Variants in PLAGL1 observed in about 807,000 individuals in gnomAD.
PLAGL1 encodes the protein PLAG1 like zinc finger 1.
In PLAGL1, 1 loss-of-function variant was observed where a neutral mutation model predicts 4.6. The ratio of observed to expected loss-of-function variants is 0.22; its 90% confidence interval spans 0.08 to 1.03. The LOEUF (loss-of-function observed/expected upper bound fraction) is 1.03, where lower values mean the gene tolerates loss of function less well. Ranked by LOEUF, PLAGL1 falls within the 50% of genes least tolerant of loss-of-function variation. The pLI is 0.58. For missense variants in PLAGL1, 464 were observed against 570.4 expected (o/e 0.81, Z 1.90); for synonymous variants, 240 against 237.8 (o/e 1.01, Z -0.08).
Position 143,957,668 on chromosome 6 carries a change from G to A in PLAGL1, c.-325+2801C>T, listed in dbSNP as rs1782437769. On this transcript the variant is annotated intron_variant, in intron 6 of 7. Coordinates refer to ENST00000674357, the MANE Select transcript of PLAGL1 (RefSeq NM_001317162.2). The surrounding 1 kb of genome is among the most constrained non-coding windows in gnomAD (Gnocchi z 4.2). ...ATAGGCTCACATTGAGAAGAGAAAT[G>A]TGAAAAGCATATTAGTTACATTGAC... is the stretch of plus-strand genomic sequence containing the variant. 6.6e-6 allele frequency among the ~76,000 whole-genome samples: 1 copy of A among 152,344 alleles called. No homozygotes were observed.
chr6:144,054,237 A>T (rs112431647), intron 1 of PLAGL1, among the ~76,000 whole-genome samples: 12 of 152,364 alleles, frequency 7.9e-5, no homozygotes, highest in African/African-American at 2.9e-4. Context: ...GCCAAGATTA[A>T]GTTTAGTATA....
In PLAGL1 at chr6:143,949,392, C is replaced by T. The variant is rs1780527341; in HGVS notation, c.-324-932G>A. ...TGAGCCTGCATCATGAACAATACTC[C>T]ACTTACTAGGGTGGCTTTCCACCCA... On this transcript the variant is annotated intron_variant, in intron 6 of 7. Coordinates refer to ENST00000674357, the MANE Select transcript of PLAGL1 (RefSeq NM_001317162.2). This position sits in a 1 kb window ranked among gnomAD's most constrained non-coding sequence, Gnocchi z 5.3. 6.6e-6 allele frequency among the ~76,000 whole-genome samples: 1 copy of T among 152,180 alleles called. No individual in the cohort carries two copies. Among genetic ancestry groups the T allele is most frequent in the Non-Finnish European group, 1.5e-5 (1 of 68,036 alleles).
rs1796038725 is a variant in PLAGL1, at chr6:144,022,456, C to T, written c.-151+42012G>A. On this transcript the variant is annotated intron_variant, in intron 1 of 3. Coordinates refer to the PLAGL1 transcript ENST00000437412. This position sits in a 1 kb window ranked among gnomAD's most constrained non-coding sequence, Gnocchi z 4.2. Reference sequence around the variant, plus strand: ...ATGGGAATGCAAAATGGTACAGCCACTTTGGAAGACAGTTTGGCAATTTAT... The same window carrying T: ...ATGGGAATGCAAAATGGTACAGCCATTTTGGAAGACAGTTTGGCAATTTAT... Among the ~76,000 whole-genome samples, 1 of 152,186 alleles carries T rather than the reference C, an allele frequency of 6.6e-6. No homozygotes were observed. The highest frequency in any genetic ancestry group is 2.4e-5 in the African/African-American group (1 of 41,438).
intron 1 of PLAGL1, among the ~76,000 whole-genome samples, chr6:144,057,707 C>G (rs919783032): frequency 6.6e-6 from 1 of 152,082 alleles, no homozygotes; most frequent in Non-Finnish European, 1.5e-5. Context: ...TAGCTGTGCC[C>G]GAAGAGAAAA....
At position 144,022,246 on chromosome 6, in the gene PLAGL1, T is replaced by C. The variant is rs1796027313; in HGVS notation, c.-151+42222A>G. On this transcript the variant is annotated intron_variant, in intron 1 of 3. Transcript: ENST00000437412. This position sits in a 1 kb window ranked among gnomAD's most constrained non-coding sequence, Gnocchi z 4.2. ...ATGGGCAAAGATCTGAACAGACAGC[T>C]CACCAGAGGAGATATGTAGATGGCA... Among the ~76,000 whole-genome samples the C allele has an allele frequency of 6.6e-6, 1 of 152,186 alleles. No individual in the cohort carries two copies. Among genetic ancestry groups the C allele is most frequent in the Non-Finnish European group, 1.5e-5 (1 of 68,030 alleles).
Position 144,039,378 on chromosome 6 carries a change from A to C in PLAGL1, c.-151+25090T>G, listed in dbSNP as rs1797540101. Among the ~76,000 whole-genome samples the C allele has an allele frequency of 6.6e-6, 1 of 152,196 alleles. No individual in the cohort carries two copies. Among genetic ancestry groups the C allele is most frequent in the Non-Finnish European group, 1.5e-5 (1 of 68,030 alleles). On this transcript the variant is annotated intron_variant, in intron 1 of 3. Coordinates refer to the PLAGL1 transcript ENST00000437412. The surrounding 1 kb of genome is among the most constrained non-coding windows in gnomAD (Gnocchi z 4.1). ...AGTGGGTGGATCATTAGAGGCCCAA[A>C]GTTTGAAACCAGTCTGGCCAACATG...
At chr6:143,999,788 T>A (rs1011798156) in intron 1 of PLAGL1, among the ~76,000 whole-genome samples, 20 of 152,230 alleles carry the variant, frequency 1.3e-4, no homozygotes, top group Non-Finnish European at 2.5e-4. Flanking sequence ...GATTTAGTAA[T>A]TAATTTACTT....
At chr6:144,009,234 C>T (rs1884403), upstream of PLAGL1, among the ~76,000 whole-genome samples, 312 of 152,342 alleles carry the variant, frequency 2.0e-3, no homozygotes, top group African/African-American at 7.3e-3. Flanking sequence ...AGAACATTTG[C>T]AATTGCTCTG....
rs368156238 is a variant in PLAGL1 at position 144,061,252 on chromosome 6, C to A, written c.-151+3216G>T. ...CGCAGGACTAAATTCCAAAAGGGAGCCTCTCATTTCACTTCAGTTACCCAT... is the reference window on the plus strand; with the variant it reads ...CGCAGGACTAAATTCCAAAAGGGAGACTCTCATTTCACTTCAGTTACCCAT... On this transcript the variant is annotated intron_variant, in intron 1 of 3. Coordinates refer to the PLAGL1 transcript ENST00000437412. This position sits in a 1 kb window ranked among gnomAD's most constrained non-coding sequence, Gnocchi z 4.4. Among the ~76,000 whole-genome samples the A allele has an allele frequency of 3.3e-5, 5 of 152,186 alleles. No homozygotes were observed. Among genetic ancestry groups the A allele is most frequent in the African/African-American group, 7.2e-5 (3 of 41,454 alleles).
intron 1 of PLAGL1, among the ~76,000 whole-genome samples, chr6:144,030,483 T>C (rs1796735307): frequency 6.6e-6 from 1 of 152,154 alleles, no homozygotes; most frequent in South Asian, 2.1e-4. Context: ...TGTAGTCTTT[T>C]ATCCCTCACC....
At chr6:143,951,359 C>T (rs773135387) in intron 6 of PLAGL1, among the ~76,000 whole-genome samples, 9 of 152,200 alleles carry the variant, frequency 5.9e-5, no homozygotes, top group Non-Finnish European at 1.2e-4. Context: ...ACATTCTCTC[C>T]CTATGGATAC....
Position 143,970,468 on chromosome 6 carries a change from T to G in PLAGL1, c.-543-1490A>C, listed in dbSNP as rs1173569761. ...ATAGTCATATCTGATCTTATACAACTGACACATTATTTAATTTTAGATAGT... is the reference window on the plus strand; with the variant it reads ...ATAGTCATATCTGATCTTATACAACGGACACATTATTTAATTTTAGATAGT... On this transcript the variant is annotated intron_variant, in intron 2 of 7. Transcript: ENST00000674357. This position sits in a 1 kb window ranked among gnomAD's most constrained non-coding sequence, Gnocchi z 5.8. 1.3e-5 allele frequency among the ~76,000 whole-genome samples: 2 copies of G among 152,224 alleles called. No individual in the cohort carries two copies. Among genetic ancestry groups the G allele is most frequent in the Admixed American group, 6.5e-5 (1 of 15,280 alleles).
chr6:143,942,922 G>A lies in PLAGL1; in HGVS notation c.153-259C>T, dbSNP rs572525800. Among the ~76,000 whole-genome samples, 1 of 152,070 alleles carries A rather than the reference G, an allele frequency of 6.6e-6. No homozygotes were observed. Among genetic ancestry groups the A allele is most frequent in the South Asian group, 2.1e-4 (1 of 4,816 alleles). On this transcript the variant is annotated intron_variant, in intron 7 of 7. Transcript: ENST00000674357. The surrounding 1 kb of genome is among the most constrained non-coding windows in gnomAD (Gnocchi z 7.6). ...ACTCTTTTGCCCAGGCTGGAGTGCA[G>A]TGGCACGATCATGGCTCACTGCAGC... is the stretch of plus-strand genomic sequence containing the variant.
rs1302986273 is a variant in PLAGL1, at chr6:144,005,623, ATAG to A, written c.-584+2464_-584+2466del. The A allele has an allele frequency of 1.3e-5, 2 of 152,328 alleles. No individual in the cohort carries two copies. Among genetic ancestry groups the A allele is most frequent in the African/African-American group, 4.8e-5 (2 of 41,592 alleles). 9.4% of individuals were successfully genotyped at this position (152,328 alleles called of 1,614,324 possible). ...AAAATATTCAGAATACATTTCATTA[ATAG>A]TAGAGTATCTTAAGACAAAAAGCAT... is the stretch of plus-strand genomic sequence containing the variant. On this transcript the variant is annotated intron_variant, in intron 1 of 7. Coordinates refer to ENST00000674357, the MANE Select transcript of PLAGL1 (RefSeq NM_001317162.2). This position sits in a 1 kb window ranked among gnomAD's most constrained non-coding sequence, Gnocchi z 4.6.
intron 1 of PLAGL1, among the ~76,000 whole-genome samples, chr6:144,051,318 A>G (rs1056616351): frequency 6.6e-6 from 1 of 152,236 alleles, no homozygotes; most frequent in Non-Finnish European, 1.5e-5. Flanking sequence ...CCATTCAGGC[A>G]TATATTTAGA....
rs1169714224 is a variant in PLAGL1 at position 143,966,048 on chromosome 6, A to C, written c.-431+110T>G. 1 of 152,254 alleles carries C rather than the reference A, an allele frequency of 6.6e-6. No individual in the cohort carries two copies. The highest frequency in any genetic ancestry group is 2.4e-5 in the African/African-American group (1 of 41,464). The allele number at this position is 152,254 out of a possible 1,614,324, so 9.4% of individuals were successfully genotyped here. On this transcript the variant is annotated intron_variant, in intron 4 of 7. Coordinates refer to ENST00000674357, the MANE Select transcript of PLAGL1 (RefSeq NM_001317162.2). The surrounding 1 kb of genome is among the most constrained non-coding windows in gnomAD (Gnocchi z 6.0). ...AGAGATATTTCCGCATGCTAGAGGC[A>C]GATCCATATTGGTTCCCCAGTCTGT...
intron 1 of PLAGL1, among the ~76,000 whole-genome samples, chr6:143,993,769 A>C (rs1791047404): frequency 1.3e-5 from 2 of 152,316 alleles, no homozygotes; most frequent in South Asian, 4.1e-4. Context: ...TGAGAATGCA[A>C]ATCAATGTAG....
intron 1 of PLAGL1, among the ~76,000 whole-genome samples, chr6:144,024,993 T>C (rs1281141229): frequency 6.6e-6 from 1 of 152,162 alleles, no homozygotes; most frequent in East Asian, 1.9e-4. Flanking sequence ...TAACTCCCCA[T>C]TCCTTAAGCA....
At position 143,942,405 on chromosome 6, in the gene PLAGL1, G is replaced by A. The variant is rs1161500214; in HGVS notation, c.411C>T (p.Asp137=). The A allele has an allele frequency of 6.2e-7, 1 of 1,614,128 alleles. No individual in the cohort carries two copies. The highest frequency in any genetic ancestry group is 1.1e-5 in the South Asian group (1 of 91,084). ...LELGSTEVLL[D]HLKAHAEEKP... ...TCTCTTCCGCATGGGCTTTGAGGTG[G>A]TCCAGTAGCACCTCGGTGCTCCCTA... Residue 137 remains aspartate, a synonymous_variant, in exon 8 of 8, where the codon GAC becomes GAT. Coordinates refer to ENST00000674357, the MANE Select transcript of PLAGL1 (RefSeq NM_001317162.2). This position sits in a 1 kb window ranked among gnomAD's most constrained non-coding sequence, Gnocchi z 7.6.
Sources: allele counts gnomAD v4.1 joint callset (sites outside exome capture counted in the v4.1 genomes callset), GRCh38; gene constraint gnomAD v4.1.1; non-coding constraint Gnocchi (gnomAD v3.1); transcripts MANE v1.5; gene names NCBI Gene and HGNC (gene_info 2026-07-23, HGNC 2026-07-21).